SGCZ: variants seen among roughly 807,000 people sequenced by gnomAD.
SGCZ encodes sarcoglycan zeta.
Under a neutral mutation model 41.3 loss-of-function variants are expected in SGCZ, and 40 were observed. The observed-to-expected ratio is 0.97, with a 90% CI of 0.75 to 1.26. SGCZ has a LOEUF of 1.26. Ranked by LOEUF, SGCZ falls within the 50% of genes most tolerant of loss-of-function variation. SGCZ has a pLI of 0.00. For missense variants in SGCZ, 552 were observed against 369.8 expected (o/e 1.49, Z -4.04); for synonymous variants, 206 against 137.5 (o/e 1.50, Z -3.49).
intron 7 of SGCZ, among the ~76,000 whole-genome samples, chr8:14,094,278 C>G (rs1286473805): frequency 3.9e-5 from 6 of 152,036 alleles, no homozygotes; most frequent in Non-Finnish European, 8.8e-5. Flanking sequence ...TGTCCTAATG[C>G]TATCCCTCCC....
chr8:14,463,454 G>A (rs1019576145), intron 2 of SGCZ, among the ~76,000 whole-genome samples: 2 of 145,136 alleles, frequency 1.4e-5, no homozygotes, highest in Non-Finnish European at 3.0e-5. Context: ...GAATGAAGTT[G>A]AACCCTTACT....
intron 1 of SGCZ, among the ~76,000 whole-genome samples, chr8:14,725,250 C>T (rs1162286474): frequency 6.6e-6 from 1 of 152,162 alleles, no homozygotes; most frequent in African/African-American, 2.4e-5. Flanking sequence ...TTGATAGACA[C>T]TTAATTCCCT....
chr8:14,658,537 T>C (rs2117476099), intron 1 of SGCZ, among the ~76,000 whole-genome samples: 1 of 151,836 alleles, frequency 6.6e-6, no homozygotes, highest in East Asian at 2.0e-4. Context: ...CCTGTTATGC[T>C]TTTCCCTACA....
At chr8:14,986,621 A>G (rs568112919) in intron 1 of SGCZ, among the ~76,000 whole-genome samples, 3 of 152,190 alleles carry the variant, frequency 2.0e-5, no homozygotes, top group South Asian at 4.1e-4. Flanking sequence ...ACACATTTAG[A>G]CTAAGTGTTA....
At chr8:14,190,766 C>A (rs1157078142) in intron 4 of SGCZ, among the ~76,000 whole-genome samples, 1 of 151,848 alleles carries the variant, frequency 6.6e-6, no homozygotes, top group South Asian at 2.1e-4. Context: ...CCACGCCCGG[C>A]TAATTTTTTA....
intron 1 of SGCZ, among the ~76,000 whole-genome samples, chr8:14,874,883 G>A (rs1027103293): frequency 7.9e-5 from 12 of 152,146 alleles, no homozygotes; most frequent in Non-Finnish European, 2.9e-5. Context: ...CTCCTGTAAA[G>A]ACATTTTTCA....
At chr8:14,279,826 G>C (rs1256901352) in intron 3 of SGCZ, among the ~76,000 whole-genome samples, 1 of 149,194 alleles carries the variant, frequency 6.7e-6, no homozygotes, top group African/African-American at 2.5e-5. Context: ...GGATCCTCAT[G>C]CTTCATGCTC....
chr8:14,719,163 T>C (rs1412493785), intron 1 of SGCZ, among the ~76,000 whole-genome samples: 1 of 150,912 alleles, frequency 6.6e-6, no homozygotes, highest in African/African-American at 2.4e-5. Context: ...TTCATCCATG[T>C]CCCTACAAAG....
At chr8:14,670,972 T>C (rs912099833) in intron 1 of SGCZ, among the ~76,000 whole-genome samples, 1 of 152,176 alleles carries the variant, frequency 6.6e-6, no homozygotes, top group Non-Finnish European at 1.5e-5. Flanking sequence ...AAAGAATAGG[T>C]CAGCCTGGAT....
At chr8:14,551,902 T>G (rs1393424848) in intron 2 of SGCZ, among the ~76,000 whole-genome samples, 1 of 150,646 alleles carries the variant, frequency 6.6e-6, no homozygotes, top group African/African-American at 2.5e-5. Context: ...ACAAACATCA[T>G]AAAACATGTT....
intron 2 of SGCZ, among the ~76,000 whole-genome samples, chr8:14,530,376 C>G (rs917090878): frequency 7.9e-5 from 12 of 152,004 alleles, no homozygotes; most frequent in African/African-American, 2.4e-5. Flanking sequence ...ATAATTTAAA[C>G]TTTATTTTTC....
At chr8:14,471,866 G>A (rs1199908455) in intron 2 of SGCZ, among the ~76,000 whole-genome samples, 1 of 151,724 alleles carries the variant, frequency 6.6e-6, no homozygotes, top group Non-Finnish European at 1.5e-5. Context: ...TTTTACTAAG[G>A]GTTCCAATGA....
intron 3 of SGCZ, among the ~76,000 whole-genome samples, chr8:14,310,219 G>A (rs1166047001): frequency 1.3e-5 from 2 of 152,054 alleles, no homozygotes; most frequent in Admixed American, 1.3e-4. Context: ...TAGTATTAGT[G>A]ATTCTGATTT....
At chr8:15,187,833 T>A (rs573470863) in intron 1 of SGCZ, among the ~76,000 whole-genome samples, 2 of 152,098 alleles carry the variant, frequency 1.3e-5, no homozygotes, top group East Asian at 3.9e-4. Flanking sequence ...AAATGTAGCA[T>A]TTAAATTCCA....
In SGCZ at chr8:14,331,044, T is replaced by C. The variant is rs143500498; in HGVS notation, c.235-6840A>G. Among the ~76,000 whole-genome samples the C allele has an allele frequency of 1.1e-3, 166 of 151,938 alleles. 1 individual carries two copies. Among genetic ancestry groups the C allele is most frequent in the African/African-American group, 3.9e-3 (163 of 41,550 alleles). ...GAAGGAAGGTAGATACATGTGTTTT[T>C]ATTATTTTGAATATCTAAAGATATT... On this transcript the variant is annotated intron_variant, in intron 2 of 7. Transcript: ENST00000382080.
chr8:14,782,346 C>T (rs1035404320), intron 1 of SGCZ, among the ~76,000 whole-genome samples: 1 of 152,128 alleles, frequency 6.6e-6, no homozygotes, highest in South Asian at 2.1e-4. Context: ...ACTCATCTCC[C>T]CAGGAACCTG....
chr8:14,846,024 G>C (rs1318221114), intron 1 of SGCZ, among the ~76,000 whole-genome samples: 2 of 151,770 alleles, frequency 1.3e-5, no homozygotes, highest in Non-Finnish European at 2.9e-5. Context: ...CCAACCACAG[G>C]GTTTCAAATA....
intron 1 of SGCZ, among the ~76,000 whole-genome samples, chr8:14,988,295 C>G (rs569518022): frequency 6.6e-6 from 1 of 152,024 alleles, no homozygotes; most frequent in African/African-American, 2.4e-5. Flanking sequence ...GACAAACATG[C>G]TAAGAAAGTC....
chr8:14,231,003 T>C (rs1371820876), intron 4 of SGCZ, among the ~76,000 whole-genome samples: 1 of 152,086 alleles, frequency 6.6e-6, no homozygotes, highest in Non-Finnish European at 1.5e-5. Context: ...CTTTAAAAAA[T>C]ATATCCAGAC....
Sources: gnomAD v4.1 joint callset for allele counts (sites outside exome capture counted in the v4.1 genomes callset) on GRCh38, gnomAD v4.1.1 for gene constraint, MANE v1.5 for transcripts, NCBI Gene and HGNC (gene_info 2026-07-23, HGNC 2026-07-21) for gene names.